GALNT17: variants seen among roughly 807,000 people sequenced by gnomAD.
GALNT17 encodes polypeptide N-acetylgalactosaminyltransferase 17, also known as UDP-GalNAc:polypeptide N-acetylgalactosaminyltransferase-like 3.
Under a neutral mutation model 63.7 loss-of-function variants are expected in GALNT17, and 29 were observed. The ratio of observed to expected loss-of-function variants is 0.46; its 90% confidence interval spans 0.34 to 0.62. The LOEUF is 0.62. Ranked by LOEUF, GALNT17 falls within the 20% of genes least tolerant of loss-of-function variation. GALNT17 has a pLI of 0.01. For synonymous variants in GALNT17, 305 were observed against 318.3 expected (o/e 0.96, Z 0.45); for missense variants, 603 against 799.6 (o/e 0.75, Z 2.97).
chr7:71,168,277 C>T lies in GALNT17; in HGVS notation c.238+35237C>T, dbSNP rs144889905. Among the ~76,000 whole-genome samples the T allele has an allele frequency of 8.0e-4, 121 of 152,160 alleles. 1 individual carries two copies. In the East Asian group the frequency reaches 0.022, roughly 27 times the overall value. On this transcript the variant is annotated intron_variant, in intron 1 of 10. Transcript: ENST00000333538. ...CTGGTCCTCCAACTTTGTATTTTAACATTTTCTATATTTGGGCCGGGCGCG... is the reference window on the plus strand; with the variant it reads ...CTGGTCCTCCAACTTTGTATTTTAATATTTTCTATATTTGGGCCGGGCGCG...
chr7:71,265,152 A>G (rs1409277089), intron 1 of GALNT17, among the ~76,000 whole-genome samples: 2 of 74,154 alleles, frequency 2.7e-5, no homozygotes, highest in African/African-American at 4.8e-5. Flanking sequence ...TTTGAGATGG[A>G]GTCTCTCTCT....
intron 2 of GALNT17, among the ~76,000 whole-genome samples, chr7:71,371,108 A>T (rs1001733698): frequency 8.5e-5 from 13 of 152,136 alleles, no homozygotes; most frequent in African/African-American, 2.9e-4. Context: ...TGACTGTGGC[A>T]TCAGTGGGCA....
chr7:71,412,900 G>A (rs111955451), intron 3 of GALNT17, among the ~76,000 whole-genome samples: 2,048 of 152,082 alleles, frequency 0.013, 45 homozygotes, highest in African/African-American at 0.047. Flanking sequence ...AAAATGAGCC[G>A]GGCATGGTGG....
intron 1 of GALNT17, among the ~76,000 whole-genome samples, chr7:71,163,051 T>A (rs148813563): frequency 5.9e-5 from 9 of 152,284 alleles, no homozygotes; most frequent in African/African-American, 1.4e-4. Context: ...TTGGAGGTAG[T>A]GAGAAGTGGT....
At chr7:71,563,948 C>G (rs1400623685) in intron 5 of GALNT17, among the ~76,000 whole-genome samples, 1 of 152,160 alleles carries the variant, frequency 6.6e-6, no homozygotes, top group Non-Finnish European at 1.5e-5. Context: ...TGGTCTCAAA[C>G]TCCTGAGCTA....
intron 2 of GALNT17, among the ~76,000 whole-genome samples, chr7:71,347,245 C>G (rs2116158627): frequency 6.6e-6 from 1 of 152,234 alleles, no homozygotes; most frequent in Non-Finnish European, 1.5e-5. Context: ...AGGTTAAGAG[C>G]CTGGATTCAG....
chr7:71,654,495 G>C (rs538514925), intron 6 of GALNT17, among the ~76,000 whole-genome samples: 1 of 152,342 alleles, frequency 6.6e-6, no homozygotes, highest in Admixed American at 6.5e-5. Flanking sequence ...ACAAAACATA[G>C]TGGTGTACCT....
chr7:71,169,053 G>C (rs1156416272), intron 1 of GALNT17, among the ~76,000 whole-genome samples: 1 of 152,112 alleles, frequency 6.6e-6, no homozygotes, highest in Non-Finnish European at 1.5e-5. Flanking sequence ...CTCCCAGCCT[G>C]GGGTCTTGTT....
chr7:71,162,844 A>G (rs979381459), intron 1 of GALNT17, among the ~76,000 whole-genome samples: 2 of 152,222 alleles, frequency 1.3e-5, no homozygotes, highest in Non-Finnish European at 2.9e-5. Context: ...GATGTGTCCA[A>G]AGCTTTTGCT....
intron 2 of GALNT17, among the ~76,000 whole-genome samples, chr7:71,372,320 A>G (rs940121807): frequency 1.3e-5 from 2 of 151,964 alleles, no homozygotes; most frequent in African/African-American, 4.8e-5. Context: ...ACCCACCACC[A>G]AGCCTGGCTA....
intron 1 of GALNT17, among the ~76,000 whole-genome samples, chr7:71,314,792 A>G (rs1023515115): frequency 6.6e-6 from 1 of 152,056 alleles, no homozygotes; most frequent in Non-Finnish European, 1.5e-5. Flanking sequence ...CTGTAGTCCC[A>G]TTACTCTGGA....
chr7:71,197,130 A>C (rs558144384), intron 1 of GALNT17, among the ~76,000 whole-genome samples: 22 of 141,482 alleles, frequency 1.6e-4, no homozygotes, highest in Non-Finnish European at 3.0e-4. Flanking sequence ...ATCCAGTCAT[A>C]CTCTTTTAGT....
At chr7:71,399,501 A>G (rs562039751) in intron 3 of GALNT17, among the ~76,000 whole-genome samples, 3 of 152,060 alleles carry the variant, frequency 2.0e-5, no homozygotes, top group Non-Finnish European at 4.4e-5. Flanking sequence ...AGCTTCCTCA[A>G]TTTCATGGCT....
intron 1 of GALNT17, among the ~76,000 whole-genome samples, chr7:71,332,527 A>G (rs1386599393): frequency 6.6e-6 from 1 of 152,136 alleles, no homozygotes; most frequent in Non-Finnish European, 1.5e-5. Context: ...GGTCACCTAT[A>G]TATTTTAAAT....
chr7:71,451,034 A>C (rs1031118554), intron 5 of GALNT17, among the ~76,000 whole-genome samples: 1 of 151,472 alleles, frequency 6.6e-6, no homozygotes, highest in Non-Finnish European at 1.5e-5. Flanking sequence ...GCACCCATTA[A>C]CTCATCATTC....
intron 1 of GALNT17, among the ~76,000 whole-genome samples, chr7:71,183,643 TC>T (rs1317473245): frequency 1.3e-5 from 2 of 152,094 alleles, no homozygotes; most frequent in Non-Finnish European, 2.9e-5. Context: ...GCGCCTGTAA[TC>T]CCAGCACTTT....
intron 5 of GALNT17, among the ~76,000 whole-genome samples, chr7:71,509,394 A>G (rs1395299522): frequency 6.6e-6 from 1 of 152,216 alleles, no homozygotes; most frequent in Non-Finnish European, 1.5e-5. Context: ...AACCCCAAGC[A>G]TAAGTGGAGG....
At chr7:71,321,391 A>G (rs1465767772) in intron 1 of GALNT17, among the ~76,000 whole-genome samples, 4 of 152,110 alleles carry the variant, frequency 2.6e-5, no homozygotes, top group Non-Finnish European at 5.9e-5. Context: ...ATACGTGTTT[A>G]TCTTCTCCTC....
chr7:71,320,535 G>A (rs1194914025), intron 1 of GALNT17, among the ~76,000 whole-genome samples: 1 of 152,142 alleles, frequency 6.6e-6, no homozygotes, highest in East Asian at 1.9e-4. Flanking sequence ...ACAGATGTGA[G>A]CCACCATGCC....
Sources: allele counts gnomAD v4.1 joint callset (sites outside exome capture counted in the v4.1 genomes callset), GRCh38; gene constraint gnomAD v4.1.1; transcripts MANE v1.5; gene names NCBI Gene and HGNC (gene_info 2026-07-23, HGNC 2026-07-21).